SSU72: variants seen among roughly 807,000 people sequenced by gnomAD.
SSU72 encodes SSU72 homolog, RNA polymerase II CTD phosphatase, also known as RNA polymerase II subunit A C-terminal domain phosphatase SSU72.
A neutral mutation model predicts 22.7 loss-of-function variants in SSU72; 12 were observed. The ratio of observed to expected loss-of-function variants is 0.53; its 90% CI spans 0.34 to 0.86. The LOEUF (loss-of-function observed/expected upper bound fraction) is 0.86, where lower values mean the gene tolerates loss of function less well. Ranked by LOEUF, SSU72 falls within the 40% of genes least tolerant of loss-of-function variation. The pLI, the probability that SSU72 is intolerant of heterozygous loss-of-function variation, is 0.02. For synonymous variants in SSU72, 116 were observed against 98.3 expected (o/e 1.18, Z -1.06); for missense variants, 151 against 249.8 (o/e 0.60, Z 2.67).
At position 1,542,114 on chromosome 1, in the gene SSU72, G is replaced by A. The variant is rs982686229; in HGVS notation, c.537C>T (p.Phe179=). 9 of 1,595,398 alleles carry A rather than the reference G, an allele frequency of 5.6e-6. No individual in the cohort carries two copies. In the East Asian group the frequency reaches 6.8e-5, roughly 12 times the overall value. ...ENEIDELLQE[F]EEKSGRTFLH... is the part of the protein sequence containing the mutation. ...GAAAGGTGCGGCCACTCTTCTCCTC[G>A]AACTCCTGCAGCAGCTCGTCGATCT... The change falls in exon 5 of 5, where the codon TTC becomes TTT. Residue 179 remains phenylalanine (F), a synonymous_variant. Transcript: ENST00000291386. This position sits in a 1 kb window ranked among gnomAD's most constrained non-coding sequence, Gnocchi z 4.4.
chr1:1,554,406 G>A lies in SSU72; in HGVS notation c.225-9404C>T, dbSNP rs1175864675. On this transcript the variant is annotated intron_variant, in intron 2 of 4. Coordinates refer to ENST00000291386, the MANE Select transcript of SSU72 (RefSeq NM_014188.3). The surrounding 1 kb of genome is among the most constrained non-coding windows in gnomAD (Gnocchi z 4.1). ...ATCCGGCCCATTTGGGGGTCCCCAC[G>A]AGCCCTCGCTGACCACCCACACCCA... is the stretch of plus-strand genomic sequence containing the variant. Among the ~76,000 whole-genome samples the A allele has an allele frequency of 6.6e-6, 1 of 152,140 alleles. No individual in the cohort carries two copies. Among genetic ancestry groups the A allele is most frequent in the Non-Finnish European group, 1.5e-5 (1 of 68,026 alleles).
intron 4 of SSU72, among the ~76,000 whole-genome samples, chr1:1,543,374 A>G (rs1462688195): frequency 1.3e-5 from 2 of 152,186 alleles, no homozygotes; most frequent in African/African-American, 4.8e-5. Context: ...GGGAAGAGAC[A>G]AGGTACCAGG....
At position 1,574,640 on chromosome 1, in the gene SSU72, C is replaced by A; in HGVS notation, c.-83G>T. ...TTCCGCGCGAACAAAATGGCGGCCG[C>A]GGTGGCCGGAAGCGGGCGACGCGAA... On this transcript the variant is annotated 5_prime_UTR_variant, in exon 1 of 5. Transcript: ENST00000291386. 1 of 1,368,894 alleles carries A rather than the reference C, an allele frequency of 7.3e-7. No individual in the cohort carries two copies. The highest frequency in any genetic ancestry group is 9.7e-7 in the Non-Finnish European group (1 of 1,035,714). 84.8% of individuals were successfully genotyped at this position (1,368,894 alleles called of 1,614,324 possible). A position where few individuals can be genotyped will look rare whatever the true frequency, so the allele number is the denominator to read the frequency against.
chr1:1,565,979 G>A (rs760206448), intron 1 of SSU72, among the ~76,000 whole-genome samples: 1 of 152,136 alleles, frequency 6.6e-6, no homozygotes, highest in Non-Finnish European at 1.5e-5. Flanking sequence ...CTTTGGCACC[G>A]AGTGCGGTGG....
chr1:1,560,811 A>G (rs183230964), intron 2 of SSU72: 1 of 152,350 alleles, frequency 6.6e-6, no homozygotes, highest in Non-Finnish European at 1.5e-5. Flanking sequence ...ACACAGCAAG[A>G]CCCATATCTA....
intron 1 of SSU72, among the ~76,000 whole-genome samples, chr1:1,566,090 C>T (rs1379774976): frequency 6.7e-6 from 1 of 149,346 alleles, no homozygotes; most frequent in Non-Finnish European, 1.5e-5. Flanking sequence ...ACCCCAGCTC[C>T]GTTTCTACTA....
intron 2 of SSU72, among the ~76,000 whole-genome samples, chr1:1,546,894 C>T (rs1397294583): frequency 3.4e-5 from 5 of 147,126 alleles, no homozygotes; most frequent in African/African-American, 7.6e-5. Context: ...AGGCCGGGCG[C>T]GGTGGCTCAC....
chr1:1,545,090 C>T (rs999443054), intron 2 of SSU72, 88 bp from the exon 3 acceptor site: 14 of 1,505,618 alleles, frequency 9.3e-6, no homozygotes, highest in Non-Finnish European at 1.1e-5. Flanking sequence ...CAGCCCCTTC[C>T]CTGCCCCACA....
chr1:1,558,826 C>A (rs879220311), intron 2 of SSU72, among the ~76,000 whole-genome samples: 1 of 152,212 alleles, frequency 6.6e-6, no homozygotes, highest in African/African-American at 2.4e-5. Flanking sequence ...TTGCCTGGAC[C>A]CCCTCACTGG....
rs1642328264 is a variant in SSU72 at position 1,542,102 on chromosome 1, A to G, written c.549T>C (p.Ser183=). The G allele has an allele frequency of 6.3e-7, 1 of 1,591,808 alleles. No individual in the cohort carries two copies. Among genetic ancestry groups the G allele is most frequent in the African/African-American group, 1.3e-5 (1 of 74,658 alleles). The change falls in exon 5 of 5, where the codon AGT becomes AGC. Residue 183 remains serine, a synonymous_variant. Coordinates refer to ENST00000291386, the MANE Select transcript of SSU72 (RefSeq NM_014188.3). The surrounding 1 kb of genome is among the most constrained non-coding windows in gnomAD (Gnocchi z 4.4). ...AGACGGTGTGCAGAAAGGTGCGGCCACTCTTCTCCTCGAACTCCTGCAGCA... is the reference window on the plus strand; with the variant it reads ...AGACGGTGTGCAGAAAGGTGCGGCCGCTCTTCTCCTCGAACTCCTGCAGCA... ...DELLQEFEEK[S]GRTFLHTVCF... is the part of the protein sequence containing the mutation.
In SSU72 at chr1:1,554,618, C is replaced by A. The variant is rs1419697315; in HGVS notation, c.225-9616G>T. ...CGCAGCTGCCCATCCCACAGGAGAA[C>A]CGAGAGGCCAGGACCACACTACCCT... is the stretch of plus-strand genomic sequence containing the variant. On this transcript the variant is annotated intron_variant, in intron 2 of 4. Coordinates refer to ENST00000291386, the MANE Select transcript of SSU72 (RefSeq NM_014188.3). The surrounding 1 kb of genome is among the most constrained non-coding windows in gnomAD (Gnocchi z 4.1). 6.6e-6 allele frequency among the ~76,000 whole-genome samples: 1 copy of A among 152,136 alleles called. No homozygotes were observed.
At chr1:1,573,416 C>A (rs1389658302) in intron 1 of SSU72, among the ~76,000 whole-genome samples, 1 of 128,022 alleles carries the variant, frequency 7.8e-6, no homozygotes, top group Non-Finnish European at 1.7e-5. Context: ...GGCGACAGAG[C>A]AAGACTCTGT....
rs780047011 is a variant in SSU72 at position 1,542,058 on chromosome 1, C to T, written c.*8G>A. 12 of 1,567,486 alleles carry T rather than the reference C, an allele frequency of 7.7e-6. No homozygotes were observed. The highest frequency in any genetic ancestry group is 2.3e-5 in the East Asian group (1 of 42,798). ...AGCTCCAGAGGCGGCTCCATGCGGGCGCTGGGCTCAGTAGAAGCAGACGGT... is the reference window on the plus strand; with the variant it reads ...AGCTCCAGAGGCGGCTCCATGCGGGTGCTGGGCTCAGTAGAAGCAGACGGT... On this transcript the variant is annotated 3_prime_UTR_variant, in exon 5 of 5. Transcript: ENST00000291386. The surrounding 1 kb of genome is among the most constrained non-coding windows in gnomAD (Gnocchi z 4.4).
At chr1:1,570,395 G>A (rs1307296356) in intron 1 of SSU72, among the ~76,000 whole-genome samples, 1 of 151,862 alleles carries the variant, frequency 6.6e-6, no homozygotes, top group African/African-American at 2.4e-5. Context: ...CCAGAGGCCA[G>A]GAGAAGTGGA....
chr1:1,551,126 A>G (rs554235071), intron 2 of SSU72, among the ~76,000 whole-genome samples: 1 of 152,336 alleles, frequency 6.6e-6, no homozygotes, highest in African/African-American at 2.4e-5. Context: ...GGCAAAGCCT[A>G]AAGCACACAC....
chr1:1,564,444 C>T, intron 2 of SSU72: 1 of 1,462,528 alleles, frequency 6.8e-7, no homozygotes. Flanking sequence ...GGCAGCCCTG[C>T]AGTGTGAAAA....
chr1:1,557,723 G>A lies in SSU72; in HGVS notation c.224+7050C>T, dbSNP rs147182957. Among the ~76,000 whole-genome samples the A allele has an allele frequency of 6.0e-4, 91 of 151,460 alleles. 1 individual carries two copies. The highest frequency in any genetic ancestry group is 2.0e-3 in the African/African-American group (81 of 41,260). ...TGAGGCAGGAGAATCGCTTGAACCCGGGAGGCAAAGATTGCAGTGAGCCGA... is the reference window on the plus strand; with the variant it reads ...TGAGGCAGGAGAATCGCTTGAACCCAGGAGGCAAAGATTGCAGTGAGCCGA... On this transcript the variant is annotated intron_variant, in intron 2 of 4. Coordinates refer to ENST00000291386, the MANE Select transcript of SSU72 (RefSeq NM_014188.3).
intron 1 of SSU72, among the ~76,000 whole-genome samples, chr1:1,572,888 G>GC (rs897404720): frequency 7.0e-6 from 1 of 142,854 alleles, no homozygotes; most frequent in South Asian, 2.3e-4. Flanking sequence ...GGGGGGGGGG[G>GC]GGTGAGCCTT....
intron 2 of SSU72, among the ~76,000 whole-genome samples, chr1:1,558,204 T>TAAAAAAAAAAAA (rs3073299): frequency 1.6e-5 from 2 of 126,222 alleles, no homozygotes; most frequent in Non-Finnish European, 3.2e-5. Context: ...CTGTCTCAAT[T>TAAAAAAAAAAAA]AAAAAAAAAA....
Sources: allele counts gnomAD v4.1 joint callset (sites outside exome capture counted in the v4.1 genomes callset), GRCh38; gene constraint gnomAD v4.1.1; non-coding constraint Gnocchi (gnomAD v3.1); transcripts MANE v1.5; gene names NCBI Gene and HGNC (gene_info 2026-07-23, HGNC 2026-07-21).